Variants in TMEM119 observed in about 807,000 individuals in gnomAD.
TMEM119 encodes osteoblast induction factor.
For missense variants in TMEM119, 410 were observed against 381.0 expected, an observed-to-expected ratio of 1.08 and a Z score of -0.63; for synonymous variants, 182 against 176.4, an observed-to-expected ratio of 1.03 and a Z score of -0.25.
intron 1 of TMEM119, among the ~76,000 whole-genome samples, chr12:108,596,230 A>G (rs2031501676): frequency 6.6e-6 from 1 of 152,184 alleles, no homozygotes; most frequent in South Asian, 2.1e-4. Context: ...CTGAGTCGAC[A>G]AATGAGCACC....
chr12:108,591,774 C>T lies in TMEM119; in HGVS notation c.610G>A (p.Gly204Ser). Residue 204 changes from glycine to serine, a missense_variant, in exon 2 of 2, where the codon GGC becomes AGC. Coordinates refer to ENST00000392806, the MANE Select transcript of TMEM119 (RefSeq NM_181724.3). The surrounding 1 kb of genome is among the most constrained non-coding windows in gnomAD (Gnocchi z 4.2). The part of the protein sequence containing the change: ...GDGARMVEGR[G>S]AEEEEKGSQE... The stretch of plus-strand genomic sequence containing the variant: ...CTGCCCTTCTCCTCTTCCTCTGCGC[C>T]CCTGCCCTCCACCATCCTGGCTCCG... The T allele has an allele frequency of 6.3e-7, 1 of 1,594,940 alleles. No individual in the cohort carries two copies. The highest frequency in any genetic ancestry group is 1.7e-5 in the Admixed American group (1 of 58,262).
At chr12:108,596,026 G>T (rs890986481) in intron 1 of TMEM119, among the ~76,000 whole-genome samples, 16 of 152,196 alleles carry the variant, frequency 1.1e-4, no homozygotes, top group Non-Finnish European at 1.8e-4. Flanking sequence ...TGGCTCCTGT[G>T]GGCCTCACTT....
Position 108,592,715 on chromosome 12 carries a change from C to T in TMEM119, c.-14-318G>A, listed in dbSNP as rs1026466813. On this transcript the variant is annotated intron_variant, in intron 1 of 1. Coordinates refer to ENST00000392806, the MANE Select transcript of TMEM119 (RefSeq NM_181724.3). This position sits in a 1 kb window ranked among gnomAD's most constrained non-coding sequence, Gnocchi z 4.3. ...TGGCTGAATTAATAATGATAATTTA[C>T]ACTTTCATGACTTTATGTGTCAGCC... 3.3e-5 allele frequency among the ~76,000 whole-genome samples: 5 copies of T among 152,140 alleles called. No individual in the cohort carries two copies. The highest frequency in any genetic ancestry group is 7.4e-5 in the Non-Finnish European group (5 of 68,022).
rs1174963139 is a variant in TMEM119 at position 108,596,651 on chromosome 12, G to A, written c.-15+1319C>T. On this transcript the variant is annotated intron_variant, in intron 1 of 1. Coordinates refer to ENST00000392806, the MANE Select transcript of TMEM119 (RefSeq NM_181724.3). ...AAAGATGGTTGTGTGGCCCTGGACG[G>A]CCCCTGCCCTCTCTGGGCCTCAGTT... 3.3e-5 allele frequency among the ~76,000 whole-genome samples: 5 copies of A among 152,352 alleles called. No individual in the cohort carries two copies. In the South Asian group the frequency reaches 8.3e-4, roughly 25 times the overall value.
In TMEM119 at chr12:108,591,678, ACG is replaced by A; in HGVS notation, c.704_705del (p.Pro235LeufsTer6). On this transcript the variant is annotated frameshift_variant, in exon 2 of 2. Coordinates refer to ENST00000392806, the MANE Select transcript of TMEM119 (RefSeq NM_181724.3). LOFTEE classifies it low-confidence loss of function (END_TRUNC). The surrounding 1 kb of genome is among the most constrained non-coding windows in gnomAD (Gnocchi z 4.2). ...PVETPEAQEE[P>X]CSGVLEGAVV... ...ACAGCCCCCTCAAGGACCCCTGAGCACGGCTCCTCCTGCGCCTCTGGTGTCTC... is the reference window on the plus strand; with the variant it reads ...ACAGCCCCCTCAAGGACCCCTGAGCAGCTCCTCCTGCGCCTCTGGTGTCTC... The A allele has an allele frequency of 6.2e-7, 1 of 1,613,790 alleles. No individual in the cohort carries two copies. The highest frequency in any genetic ancestry group is 8.5e-7 in the Non-Finnish European group (1 of 1,179,926).
intron 1 of TMEM119, among the ~76,000 whole-genome samples, chr12:108,596,450 A>G (rs2031506128): frequency 6.6e-6 from 1 of 151,634 alleles, no homozygotes; most frequent in Admixed American, 6.6e-5. Context: ...ACACACACAC[A>G]CGAAGTCAGA....
At position 108,591,620 on chromosome 12, in the gene TMEM119, C is replaced by G. The variant is rs1210826188; in HGVS notation, c.764G>C (p.Gly255Ala). Residue 255 changes from glycine (G) to alanine (A), a missense_variant, in exon 2 of 2, where the codon GGG becomes GCG. Transcript: ENST00000392806. The surrounding 1 kb of genome is among the most constrained non-coding windows in gnomAD (Gnocchi z 4.2). ...GGCTTCCTGGGCTAACAAGAGAGAC[C>G]CTTCCAGCTCCCCTTGGCCCTCACC... is the stretch of plus-strand genomic sequence containing the variant. ...VAGEGQGELEGSLLLAQEAQG... is the reference protein window; with the variant it reads ...VAGEGQGELEASLLLAQEAQG... 4 of 1,613,994 alleles carry G rather than the reference C, an allele frequency of 2.5e-6. No homozygotes were observed. The Admixed American group carries it at 5.0e-5, about 20-fold the overall frequency.
rs981988547 is a variant in TMEM119, at chr12:108,591,720, G to A, written c.664C>T (p.His222Tyr). The part of the protein sequence containing the change: ...SQEGDQEVQG[H>Y]GVPVETPEAQ... ...TCTGGTGTCTCCACTGGGACCCCAT[G>A]TCCCTGGACTTCCTGGTCCCCCTCC... The change falls in exon 2 of 2, where the codon CAT (histidine) becomes TAT (tyrosine). Residue 222 changes from histidine to tyrosine, a missense_variant. Transcript: ENST00000392806. The surrounding 1 kb of genome is among the most constrained non-coding windows in gnomAD (Gnocchi z 4.2). The A allele has an allele frequency of 1.2e-6, 2 of 1,609,802 alleles. No individual in the cohort carries two copies. The highest frequency in any genetic ancestry group is 1.7e-6 in the Non-Finnish European group (2 of 1,178,014).
chr12:108,594,952 T>G (rs1732981685), intron 1 of TMEM119, among the ~76,000 whole-genome samples: 1 of 152,152 alleles, frequency 6.6e-6, no homozygotes, highest in Admixed American at 6.5e-5. Flanking sequence ...GGGCTCATTT[T>G]AAATGAGCTG....
At chr12:108,593,784 G>A (rs1476059800) in intron 1 of TMEM119, among the ~76,000 whole-genome samples, 1 of 152,210 alleles carries the variant, frequency 6.6e-6, no homozygotes, top group East Asian at 1.9e-4. Flanking sequence ...GTTGACAGAG[G>A]AGCTGAGTTT....
chr12:108,593,125 G>A (rs1423599833), intron 1 of TMEM119, among the ~76,000 whole-genome samples: 2 of 152,122 alleles, frequency 1.3e-5, no homozygotes, highest in Non-Finnish European at 2.9e-5. Context: ...CCTTCCGCCA[G>A]CCCAGCTCTA....
chr12:108,591,560 G>A lies in TMEM119; in HGVS notation c.824C>T (p.Ala275Val), dbSNP rs142307116. 4.5e-5 allele frequency: 72 copies of A among 1,611,118 alleles called. No homozygotes were observed. In the East Asian group the frequency reaches 1.5e-3, roughly 34 times the overall value. Residue 275 changes from alanine to valine, a missense_variant, in exon 2 of 2, where the codon GCT becomes GTT. By Grantham distance (64) the Ala-to-Val change is moderately conservative. Coordinates refer to ENST00000392806, the MANE Select transcript of TMEM119 (RefSeq NM_181724.3). The surrounding 1 kb of genome is among the most constrained non-coding windows in gnomAD (Gnocchi z 4.2). Reference protein sequence around the residue: ...GPVGPPESPCACSSVHPSV With the variant: ...GPVGPPESPCVCSSVHPSV ...GACACTGGGGTGGACACTGCTGCAAGCACAGGGGCTTTCGGGGGGACCCAC... is the reference window on the plus strand; with the variant it reads ...GACACTGGGGTGGACACTGCTGCAAACACAGGGGCTTTCGGGGGGACCCAC...
Position 108,591,808 on chromosome 12 carries a change from G to C in TMEM119, c.576C>G (p.Gly192=). The change falls in exon 2 of 2, where the codon GGC becomes GGG. Residue 192 remains glycine (G), a synonymous_variant. Coordinates refer to ENST00000392806, the MANE Select transcript of TMEM119 (RefSeq NM_181724.3). This position sits in a 1 kb window ranked among gnomAD's most constrained non-coding sequence, Gnocchi z 4.2. ...CCACCATCCTGGCTCCGTCCCCACC[G>C]CCCAGTGCAGCCCTGGTGGGGGACT... is the stretch of plus-strand genomic sequence containing the variant. ...NLKSPTRAAL[G]GGDGARMVEG... 6.3e-7 allele frequency: 1 copy of C among 1,592,924 alleles called. No homozygotes were observed. Among genetic ancestry groups the C allele is most frequent in the Non-Finnish European group, 8.6e-7 (1 of 1,169,292 alleles).
intron 1 of TMEM119, chr12:108,594,471 G>A (rs1269464998): frequency 4.7e-5 from 7 of 150,302 alleles, no homozygotes; most frequent in African/African-American, 1.2e-4. Context: ...TGGGAGAATC[G>A]CCTGAGCCCG....
At chr12:108,596,261 G>A (rs148323151) in intron 1 of TMEM119, among the ~76,000 whole-genome samples, 2 of 152,188 alleles carry the variant, frequency 1.3e-5, no homozygotes, top group Non-Finnish European at 2.9e-5. Flanking sequence ...GGGAACATGC[G>A]CTCACTGTCT....
At position 108,592,320 on chromosome 12, in the gene TMEM119, C is replaced by T. The variant is rs767366882; in HGVS notation, c.64G>A (p.Ala22Thr). 9 of 1,596,756 alleles carry T rather than the reference C, an allele frequency of 5.6e-6. No homozygotes were observed. In the South Asian group the frequency reaches 1.0e-4, roughly 18 times the overall value. Residue 22 changes from alanine to threonine, a missense_variant, in exon 2 of 2, where the codon GCT becomes ACT. Coordinates refer to ENST00000392806, the MANE Select transcript of TMEM119 (RefSeq NM_181724.3). This position sits in a 1 kb window ranked among gnomAD's most constrained non-coding sequence, Gnocchi z 4.3. Reference protein sequence around the residue: ...LLLLLLGSVPATDARSVPLKA... With the variant: ...LLLLLLGSVPTTDARSVPLKA... ...AGGGGCACAGAGCGGGCGTCGGTAG[C>T]AGGCACAGACCCCAGGAGCAGCAAC...
intron 1 of TMEM119, among the ~76,000 whole-genome samples, chr12:108,593,116 C>T (rs2031447808): frequency 6.6e-6 from 1 of 152,150 alleles, no homozygotes; most frequent in Non-Finnish European, 1.5e-5. Context: ...TTTCTCAAAC[C>T]TTCCGCCAGC....
At chr12:108,597,504 A>T (rs2031523620) in intron 1 of TMEM119, among the ~76,000 whole-genome samples, 1 of 151,802 alleles carries the variant, frequency 6.6e-6, no homozygotes, top group African/African-American at 2.4e-5. Flanking sequence ...CAATATAAAG[A>T]CACACAACAC....
chr12:108,594,550 C>CAAAAAAAAAAAAAAAAAAAA (rs60142479), intron 1 of TMEM119: 1 of 102,898 alleles, frequency 9.7e-6, no homozygotes, highest in African/African-American at 4.2e-5. Context: ...AAGAACCTGT[C>CAAAAAAAAAAAAAAAAAAAA]AAAAAAAAAA....
Sources: allele counts gnomAD v4.1 joint callset (sites outside exome capture counted in the v4.1 genomes callset), GRCh38; gene constraint gnomAD v4.1.1; non-coding constraint Gnocchi (gnomAD v3.1); transcripts MANE v1.5; gene names NCBI Gene and HGNC (gene_info 2026-07-23, HGNC 2026-07-21).